ENTPD5: variants seen among roughly 807,000 people sequenced by gnomAD.
The protein encoded by ENTPD5 is ectonucleoside triphosphate diphosphohydrolase 5 (inactive), also known as nucleoside diphosphate phosphatase ENTPD5.
Under a neutral mutation model 60.2 loss-of-function variants are expected in ENTPD5, and 49 were observed. The ratio of observed to expected loss-of-function variants is 0.81; its 90% CI spans 0.65 to 1.03. The LOEUF (loss-of-function observed/expected upper bound fraction) is 1.03. Among genes scored for constraint, ENTPD5 ranks in the 50% least tolerant of loss-of-function variants. The pLI, the probability that ENTPD5 is intolerant of heterozygous loss-of-function variation, is 0.00. For synonymous variants in ENTPD5, 187 were observed against 185.4 expected, an observed-to-expected ratio of 1.01 and a Z score of -0.07; for missense variants, 480 against 507.6, an observed-to-expected ratio of 0.95 and a Z score of 0.52.
chr14:73,961,617 A>T, downstream of ENTPD5: 1 of 1,606,596 alleles, frequency 6.2e-7, no homozygotes, highest in South Asian at 1.1e-5. Flanking sequence ...TCATATAGTT[A>T]GGCAAGATCA....
At chr14:73,980,680 G>C (rs80298117) in intron 6 of ENTPD5, among the ~76,000 whole-genome samples, 9,473 of 152,308 alleles carry the variant, frequency 0.062, 474 homozygotes, top group South Asian at 0.27. Context: ...ACAGGCATGA[G>C]CCACTGCACC....
downstream of ENTPD5, chr14:73,955,457 G>A (rs760665943): frequency 2.5e-6 from 4 of 1,614,050 alleles, no homozygotes; most frequent in East Asian, 2.2e-5. Flanking sequence ...GTAGGTTTTG[G>A]TGCCTGGGAC....
In ENTPD5 at chr14:73,983,149, C is replaced by CGGTCT; in HGVS notation, c.305_309dup (p.Val104ArgfsTer7). The CGGTCT allele has an allele frequency of 6.2e-7, 1 of 1,613,682 alleles. No individual in the cohort carries two copies. The highest frequency in any genetic ancestry group is 8.5e-7 in the Non-Finnish European group (1 of 1,179,782). ...TTGGCCACCTCTAAGAGCCCTTGAA[C>CGGTCT]GGTCTCAGCACCCTTCAAAAGAGAT... is the stretch of plus-strand genomic sequence containing the variant. On this transcript the variant is annotated frameshift_variant, in exon 6 of 16. Coordinates refer to ENST00000334696, the MANE Select transcript of ENTPD5 (RefSeq NM_001249.5). LOFTEE classifies it high-confidence loss of function.
downstream of ENTPD5, among the ~76,000 whole-genome samples, chr14:73,957,123 A>T (rs186353105): frequency 1.5e-3 from 223 of 149,058 alleles, 1 homozygote; most frequent in African/African-American, 5.3e-3. Context: ...TTGGAGATGG[A>T]GTCTCGCTCT....
chr14:73,992,068 C>T (rs1293835513), intron 3 of ENTPD5, among the ~76,000 whole-genome samples: 1 of 151,600 alleles, frequency 6.6e-6, no homozygotes, highest in African/African-American at 2.4e-5. Context: ...GTTTTCTCTG[C>T]CATTTTCTTC....
intron 3 of ENTPD5, among the ~76,000 whole-genome samples, chr14:74,000,560 C>T (rs1015751960): frequency 2.0e-5 from 3 of 152,050 alleles, no homozygotes; most frequent in African/African-American, 4.8e-5. Flanking sequence ...GAGGGTGGAT[C>T]ACCTGAGGTC....
chr14:73,969,458 G>A lies in ENTPD5; in HGVS notation c.1200+552C>T, dbSNP rs114647260. Among the ~76,000 whole-genome samples the A allele has an allele frequency of 6.3e-3, 955 of 152,208 alleles. 12 individuals carry two copies. The highest frequency in any genetic ancestry group is 0.021 in the African/African-American group (884 of 41,518). On this transcript the variant is annotated intron_variant, in intron 15 of 15. Transcript: ENST00000334696. ...CTGTAATCCCAGCACTTGGGAGTTC[G>A]AGGTGGGCGGATCACCTGAGGTCAG...
At chr14:74,006,578 C>T (rs370227158) in intron 3 of ENTPD5, among the ~76,000 whole-genome samples, 11 of 151,490 alleles carry the variant, frequency 7.3e-5, no homozygotes, top group South Asian at 2.1e-4. Context: ...CCACCACACC[C>T]GGCCCTTTTT....
intron 2 of ENTPD5, among the ~76,000 whole-genome samples, chr14:74,014,132 G>C (rs2058936132): frequency 6.6e-6 from 1 of 152,082 alleles, no homozygotes; most frequent in Admixed American, 6.6e-5. Flanking sequence ...GCAAATAAAG[G>C]AACAGTAGTT....
chr14:73,994,487 C>A (rs989685230), intron 3 of ENTPD5, among the ~76,000 whole-genome samples: 1 of 151,620 alleles, frequency 6.6e-6, no homozygotes, highest in Admixed American at 6.6e-5. Context: ...TGTAATCCAG[C>A]ACTTTGGGAG....
chr14:73,970,938 G>T (rs1467964314), intron 14 of ENTPD5, among the ~76,000 whole-genome samples: 1 of 151,156 alleles, frequency 6.6e-6, no homozygotes, highest in Admixed American at 6.6e-5. Flanking sequence ...CGATCCTCCT[G>T]CCTCAGCCTC....
downstream of ENTPD5, chr14:73,961,353 A>G (rs754861649): frequency 6.2e-7 from 1 of 1,614,216 alleles, no homozygotes; most frequent in South Asian, 1.1e-5. Flanking sequence ...TGAGTACGTC[A>G]GGCCTCGGGT....
In ENTPD5 at chr14:73,976,330, C is replaced by A. The variant is rs748341928; in HGVS notation, c.636G>T (p.Gln212His). 9 of 1,613,842 alleles carry A rather than the reference C, an allele frequency of 5.6e-6. No homozygotes were observed. In the African/African-American group the frequency reaches 1.2e-4, roughly 22 times the overall value. Reference protein sequence around the residue: ...GASTQITFLPQFEKTLEQTPR... With the variant: ...GASTQITFLPHFEKTLEQTPR... ...TCTTCATTAAATGACTCACCTCAAA[C>A]TGGGGCAGGAACGTGATTTGGGTGG... The change falls in exon 9 of 16, where the codon CAG becomes CAT. Residue 212 changes from glutamine to histidine, a missense_variant. Gln to His is a conservative substitution (Grantham distance 24). Coordinates refer to ENST00000334696, the MANE Select transcript of ENTPD5 (RefSeq NM_001249.5).
intron 3 of ENTPD5, among the ~76,000 whole-genome samples, chr14:74,004,850 C>T (rs1159224583): frequency 6.6e-6 from 1 of 152,044 alleles, no homozygotes; most frequent in Non-Finnish European, 1.5e-5. Flanking sequence ...CCAACCCTGA[C>T]GAACTGTAAA....
At chr14:73,992,025 A>AT (rs544351796) in intron 3 of ENTPD5, among the ~76,000 whole-genome samples, 9,163 of 151,152 alleles carry the variant, frequency 0.061, 445 homozygotes, top group South Asian at 0.26. Flanking sequence ...ATATATATAT[A>AT]AAATATTTTC....
At chr14:73,963,003 C>T (rs1439161512), downstream of ENTPD5, 3 of 1,604,860 alleles carry the variant, frequency 1.9e-6, no homozygotes, top group African/African-American at 1.3e-5. Flanking sequence ...CAAATGAGTA[C>T]TCCTCTCCTA....
chr14:73,962,004 G>C, downstream of ENTPD5: 1 of 1,383,394 alleles, frequency 7.2e-7, no homozygotes. Flanking sequence ...ATGGAGTGCA[G>C]TGGCACAATT....
chr14:73,959,040 G>T, downstream of ENTPD5: 1 of 1,614,132 alleles, frequency 6.2e-7, no homozygotes, highest in South Asian at 1.1e-5. Context: ...CTGGAACTAT[G>T]ACCAGTCTGC....
chr14:74,014,153 T>C (rs1422884064), intron 2 of ENTPD5, among the ~76,000 whole-genome samples: 3 of 152,192 alleles, frequency 2.0e-5, no homozygotes, highest in African/African-American at 7.2e-5. Context: ...AATGATTATT[T>C]GTAGGCATAG....
Sources: allele counts gnomAD v4.1 joint callset (sites outside exome capture counted in the v4.1 genomes callset), GRCh38; gene constraint gnomAD v4.1.1; transcripts MANE v1.5; gene names NCBI Gene and HGNC (gene_info 2026-07-23, HGNC 2026-07-21).